OTUD7A: variants seen among roughly 807,000 people sequenced by gnomAD.
OTUD7A encodes OTU deubiquitinase 7A.
In OTUD7A, 12 loss-of-function variants were observed where a neutral mutation model predicts 65.7. That is an observed-to-expected ratio of 0.18 (90% CI 0.12 to 0.30). The LOEUF is 0.30. OTUD7A is among the 10% of genes least tolerant of loss of function. OTUD7A has a pLI of 1.00. For synonymous variants in OTUD7A, 641 were observed against 586.3 expected (o/e 1.09, Z -1.35); for missense variants, 1,148 against 1,304.8 (o/e 0.88, Z 1.85).
At chr15:31,566,749 A>G (rs753075613) in intron 4 of OTUD7A, among the ~76,000 whole-genome samples, 6 of 152,138 alleles carry the variant, frequency 3.9e-5, no homozygotes, top group Non-Finnish European at 7.4e-5. Context: ...TGGTCATTTA[A>G]AAGTGTGTGG....
rs1294976429 is a variant in OTUD7A, at chr15:31,487,786, C to T, written c.1172-220G>A. Among the ~76,000 whole-genome samples the T allele has an allele frequency of 6.6e-6, 1 of 152,206 alleles. No homozygotes were observed. Among genetic ancestry groups the T allele is most frequent in the Non-Finnish European group, 1.5e-5 (1 of 68,036 alleles). On this transcript the variant is annotated intron_variant, in intron 10 of 12. Transcript: ENST00000307050. This position sits in a 1 kb window ranked among gnomAD's most constrained non-coding sequence, Gnocchi z 6.0. ...AGAGCAGTTGGAAGCGTCACCTGGA[C>T]CCTGGCTCTCTTTGGGTCTGTCCAA...
intron 1 of OTUD7A, among the ~76,000 whole-genome samples, chr15:31,838,189 T>A (rs1045368774): frequency 6.6e-6 from 1 of 152,242 alleles, no homozygotes; most frequent in Non-Finnish European, 1.5e-5. Context: ...TAGGAGAATA[T>A]GTTTTGTACC....
chr15:31,551,840 C>T (rs566541715), intron 5 of OTUD7A, among the ~76,000 whole-genome samples: 11 of 152,278 alleles, frequency 7.2e-5, no homozygotes, highest in African/African-American at 1.4e-4. Flanking sequence ...CATGGGACTG[C>T]GGTATTGCCT....
chr15:31,585,625 C>T (rs1889509955), intron 3 of OTUD7A, among the ~76,000 whole-genome samples: 1 of 152,188 alleles, frequency 6.6e-6, no homozygotes, highest in South Asian at 2.1e-4. Flanking sequence ...CACTCCTCTA[C>T]CCTTCCAGCT....
intron 3 of OTUD7A, among the ~76,000 whole-genome samples, chr15:31,575,245 T>G (rs1889169520): frequency 6.6e-6 from 1 of 152,226 alleles, no homozygotes; most frequent in Non-Finnish European, 1.5e-5. Flanking sequence ...CATGTAGCCC[T>G]GTGTGGTATG....
chr15:31,845,407 G>A (rs1206113148), intron 1 of OTUD7A, among the ~76,000 whole-genome samples: 1 of 152,212 alleles, frequency 6.6e-6, no homozygotes, highest in Non-Finnish European at 1.5e-5. Flanking sequence ...GCACACTCGT[G>A]CACATCAGAA....
intron 1 of OTUD7A, among the ~76,000 whole-genome samples, chr15:31,816,066 C>A (rs1050797077): frequency 8.5e-5 from 13 of 152,332 alleles, no homozygotes; most frequent in Middle Eastern, 6.8e-3. Context: ...AGGAAAAAAA[C>A]CACTGAACGA....
At chr15:31,739,482 T>TA (rs1229067707) in intron 1 of OTUD7A, among the ~76,000 whole-genome samples, 1 of 152,222 alleles carries the variant, frequency 6.6e-6, no homozygotes, top group African/African-American at 2.4e-5. Flanking sequence ...CTTAATTAGA[T>TA]AAATATGCAC....
intron 1 of OTUD7A, among the ~76,000 whole-genome samples, chr15:31,811,800 C>T (rs146392410): frequency 5.3e-4 from 80 of 152,314 alleles, no homozygotes; most frequent in African/African-American, 1.7e-3. Flanking sequence ...GCGGGCAGTC[C>T]GCCTGGCCAG....
At chr15:31,756,627 AACACACACACACACACAC>A (rs56792926) in intron 1 of OTUD7A, among the ~76,000 whole-genome samples, 22,142 of 138,398 alleles carry the variant, frequency 0.16, 1,900 homozygotes, top group East Asian at 0.2. Context: ...CAGTGTACCC[AACACACACACACACACAC>A]ACACACACAC....
chr15:31,568,571 A>G lies in OTUD7A; in HGVS notation c.331+1447T>C, dbSNP rs183090178. Among the ~76,000 whole-genome samples, 253 of 152,350 alleles carry G rather than the reference A, an allele frequency of 1.7e-3. 1 individual carries two copies. Among genetic ancestry groups the G allele is most frequent in the African/African-American group, 5.7e-3 (237 of 41,584 alleles). On this transcript the variant is annotated intron_variant, in intron 4 of 12. Coordinates refer to ENST00000307050, the MANE Select transcript of OTUD7A (RefSeq NM_001382637.1). ...TGGGAAGGCATGATTGTATTTTGCA[A>G]TGAGAAGGACATGAGATTTGGGAGG...
At chr15:31,535,970 G>A (rs1265280905) in intron 5 of OTUD7A, among the ~76,000 whole-genome samples, 4 of 152,216 alleles carry the variant, frequency 2.6e-5, no homozygotes, top group Non-Finnish European at 4.4e-5. Context: ...GTGAGCCACC[G>A]CGCCTGGCCG....
chr15:31,484,505 G>C lies in OTUD7A; in HGVS notation c.1591C>G (p.Leu531Val), dbSNP rs754099176. The change falls in exon 13 of 13, where the codon CTG becomes GTG. Residue 531 changes from leucine (L) to valine (V), a missense_variant. Coordinates refer to ENST00000307050, the MANE Select transcript of OTUD7A (RefSeq NM_001382637.1). The surrounding 1 kb of genome is among the most constrained non-coding windows in gnomAD (Gnocchi z 4.5). The part of the protein sequence containing the change: ...ANKLGSFSKT[L>V]GIKLKKNMGG... ...ATGTTTTTCTTCAGCTTGATGCCCA[G>C]CGTCTTGCTGAAGCTGCCCAGCTTG... 1 of 1,609,610 alleles carries C rather than the reference G, an allele frequency of 6.2e-7. No individual in the cohort carries two copies. The highest frequency in any genetic ancestry group is 8.5e-7 in the Non-Finnish European group (1 of 1,179,976).
intron 1 of OTUD7A, among the ~76,000 whole-genome samples, chr15:31,809,346 T>C (rs1896361801): frequency 6.6e-6 from 1 of 152,238 alleles, no homozygotes; most frequent in Non-Finnish European, 1.5e-5. Context: ...TTCTTCTGCC[T>C]TCCCATCAGA....
At chr15:31,551,148 G>A (rs931060809) in intron 5 of OTUD7A, among the ~76,000 whole-genome samples, 4 of 152,168 alleles carry the variant, frequency 2.6e-5, no homozygotes, top group South Asian at 2.1e-4. Flanking sequence ...TACATCAGAC[G>A]TGACCGCCCT....
intron 1 of OTUD7A, chr15:31,766,581 A>G: frequency 6.2e-7 from 1 of 1,613,116 alleles, no homozygotes; most frequent in South Asian, 1.1e-5. Flanking sequence ...ATTTGGTTTC[A>G]TGGTAATTTC....
At chr15:31,784,167 G>A (rs1895611968) in intron 1 of OTUD7A, among the ~76,000 whole-genome samples, 1 of 152,194 alleles carries the variant, frequency 6.6e-6, no homozygotes, top group South Asian at 2.1e-4. Context: ...ATATAATGGA[G>A]TATGAAAAGT....
intron 8 of OTUD7A, among the ~76,000 whole-genome samples, chr15:31,513,106 A>C (rs2041781834): frequency 6.6e-6 from 1 of 152,142 alleles, no homozygotes; most frequent in Non-Finnish European, 1.5e-5. Flanking sequence ...CCTGGCCTCA[A>C]GTGATCCACC....
intron 1 of OTUD7A, among the ~76,000 whole-genome samples, chr15:31,699,240 C>T (rs1393287309): frequency 2.6e-4 from 40 of 151,930 alleles, no homozygotes; most frequent in Non-Finnish European, 4.1e-4. Flanking sequence ...CCACCACGCC[C>T]GGCTAATTTT....
Sources: gnomAD v4.1 joint callset for allele counts (sites outside exome capture counted in the v4.1 genomes callset) on GRCh38, gnomAD v4.1.1 for gene constraint, Gnocchi (gnomAD v3.1) non-coding constraint, MANE v1.5 for transcripts, NCBI Gene and HGNC (gene_info 2026-07-23, HGNC 2026-07-21) for gene names.